The following KHDRBS2 variants were observed in gnomAD, a reference collection of about 807,000 sequenced individuals.
KHDRBS2 encodes KH RNA binding domain containing, signal transduction associated 2.
In KHDRBS2, 26 loss-of-function variants were observed where a neutral mutation model predicts 44.3. The observed-to-expected ratio is 0.59, with a 90% confidence interval of 0.43 to 0.81. The LOEUF (loss-of-function observed/expected upper bound fraction) is 0.81, where lower values mean the gene tolerates loss of function less well. Ranked by LOEUF, KHDRBS2 falls within the 40% of genes least tolerant of loss-of-function variation. KHDRBS2 has a pLI of 0.00. For synonymous variants in KHDRBS2, 194 were observed against 151.1 expected, an observed-to-expected ratio of 1.28 and a Z score of -2.08; for missense variants, 476 against 433.1, an observed-to-expected ratio of 1.10 and a Z score of -0.88.
intron 6 of KHDRBS2, among the ~76,000 whole-genome samples, chr6:61,887,761 A>G (rs1204620623): frequency 2.0e-5 from 3 of 152,212 alleles, no homozygotes; most frequent in Non-Finnish European, 4.4e-5. Flanking sequence ...GATTTTCACC[A>G]TCAACTCAAC....
At chr6:62,285,361 T>C (rs1274716246) in intron 1 of KHDRBS2, among the ~76,000 whole-genome samples, 5 of 152,194 alleles carry the variant, frequency 3.3e-5, no homozygotes, top group Admixed American at 6.5e-5. Flanking sequence ...AGAACATGCA[T>C]AGTTTAATGC....
rs534316578 is a variant in KHDRBS2, at chr6:61,718,898, G to A, written c.893+13784C>T. Among the ~76,000 whole-genome samples the A allele has an allele frequency of 8.5e-5, 13 of 152,076 alleles. No homozygotes were observed. The South Asian group carries it at 2.3e-3, about 27-fold the overall frequency. ...TCCTAATTTAGGAGTCTAATTCCCC[G>A]CCCCCACACTGTTTCAGCCCTGATA... On this transcript the variant is annotated intron_variant, in intron 7 of 8. Coordinates refer to ENST00000281156, the MANE Select transcript of KHDRBS2 (RefSeq NM_152688.4).
intron 4 of KHDRBS2, among the ~76,000 whole-genome samples, chr6:61,934,014 G>T (rs1810574308): frequency 6.6e-6 from 1 of 152,082 alleles, no homozygotes; most frequent in Non-Finnish European, 1.5e-5. Flanking sequence ...TAACTGGGGT[G>T]ATGTGATTTG....
At chr6:61,953,888 C>A (rs1347656843) in intron 4 of KHDRBS2, among the ~76,000 whole-genome samples, 3 of 152,108 alleles carry the variant, frequency 2.0e-5, no homozygotes, top group Admixed American at 6.5e-5. Context: ...TCACAGTTAA[C>A]TTTGCAGCTA....
Position 61,720,662 on chromosome 6 carries a change from T to A in KHDRBS2, c.893+12020A>T, listed in dbSNP as rs542971075. ...CTTGTGAATTTGTTTGAGTTCATTGTAGATTCTGGATATTAGCCCTTTGTT... is the reference window on the plus strand; with the variant it reads ...CTTGTGAATTTGTTTGAGTTCATTGAAGATTCTGGATATTAGCCCTTTGTT... On this transcript the variant is annotated intron_variant, in intron 7 of 8. Coordinates refer to ENST00000281156, the MANE Select transcript of KHDRBS2 (RefSeq NM_152688.4). Among the ~76,000 whole-genome samples, 343 of 152,376 alleles carry A rather than the reference T, an allele frequency of 2.3e-3. 2 individuals are homozygous for A. The highest frequency in any genetic ancestry group is 8.0e-3 in the African/African-American group (333 of 41,594).
intron 6 of KHDRBS2, among the ~76,000 whole-genome samples, chr6:61,889,281 A>G (rs578260532): frequency 6.6e-6 from 1 of 152,306 alleles, no homozygotes; most frequent in South Asian, 2.1e-4. Flanking sequence ...TTGTAAAATT[A>G]CACAGGTAGT....
chr6:62,096,628 AG>A (rs1245390846), intron 2 of KHDRBS2, among the ~76,000 whole-genome samples: 1 of 151,780 alleles, frequency 6.6e-6, no homozygotes, highest in Non-Finnish European at 1.5e-5. Context: ...GGCTTGCTAA[AG>A]GTTAGTCAAT....
At chr6:62,072,873 A>T (rs1275687172) in intron 2 of KHDRBS2, among the ~76,000 whole-genome samples, 1 of 152,130 alleles carries the variant, frequency 6.6e-6, no homozygotes, top group Non-Finnish European at 1.5e-5. Flanking sequence ...GTTAGGGACG[A>T]TTCCCTCTTT....
chr6:61,656,653 C>T, the KHDRBS2 span, among the ~76,000 whole-genome samples: 3 of 152,066 alleles, frequency 2.0e-5, no homozygotes, highest in East Asian at 2.0e-4. Flanking sequence ...TAAGTAGACA[C>T]ACCAGGGTCT....
chr6:61,988,353 G>T (rs1290079458), intron 3 of KHDRBS2, among the ~76,000 whole-genome samples: 1 of 152,192 alleles, frequency 6.6e-6, no homozygotes, highest in South Asian at 2.1e-4. Context: ...CATTTCAGTT[G>T]CCTATTAATT....
At chr6:62,071,799 G>A (rs919617249) in intron 2 of KHDRBS2, among the ~76,000 whole-genome samples, 2 of 152,122 alleles carry the variant, frequency 1.3e-5, no homozygotes, top group African/African-American at 4.8e-5. Flanking sequence ...TGTTCTTTCG[G>A]CTTAGGATTG....
intron 6 of KHDRBS2, among the ~76,000 whole-genome samples, chr6:61,833,622 C>CCATCAAT (rs142893061): frequency 0.013 from 1,968 of 152,166 alleles, 47 homozygotes; most frequent in African/African-American, 0.044. Context: ...ATATAGTTCT[C>CCATCAAT]CATCATTCAT....
chr6:61,958,035 A>G, intron 4 of KHDRBS2, among the ~76,000 whole-genome samples: 1 of 152,110 alleles, frequency 6.6e-6, no homozygotes, highest in East Asian at 1.9e-4. Context: ...TATAATCATC[A>G]TTATTATAAT....
the KHDRBS2 span, among the ~76,000 whole-genome samples, chr6:61,621,363 AAATGAAAACT>A: frequency 6.6e-6 from 1 of 152,236 alleles, no homozygotes; most frequent in Non-Finnish European, 1.5e-5. Context: ...GGAAAATTAG[AAATGAAAACT>A]AATTGTGGGT....
the KHDRBS2 span, among the ~76,000 whole-genome samples, chr6:61,622,873 C>G: frequency 1.3e-5 from 2 of 151,948 alleles, no homozygotes; most frequent in African/African-American, 4.8e-5. Context: ...GGCTGATGGT[C>G]AGATAAGTGT....
intron 2 of KHDRBS2, among the ~76,000 whole-genome samples, chr6:62,098,255 T>TG (rs1220618595): frequency 1.3e-5 from 2 of 151,834 alleles, no homozygotes; most frequent in Non-Finnish European, 2.9e-5. Flanking sequence ...TTTTTTTTTT[T>TG]TTTTTTGTTA....
chr6:62,222,513 T>A, intron 1 of KHDRBS2, among the ~76,000 whole-genome samples: 1 of 152,084 alleles, frequency 6.6e-6, no homozygotes, highest in East Asian at 1.9e-4. Flanking sequence ...AACACTATGA[T>A]GGGAACTGCC....
intron 6 of KHDRBS2, among the ~76,000 whole-genome samples, chr6:61,800,606 T>C (rs60312909): frequency 0.053 from 8,112 of 152,210 alleles, 413 homozygotes; most frequent in African/African-American, 0.12. Flanking sequence ...TTCCTGACTC[T>C]GGACTTTTTT....
chr6:61,552,290 C>T, the KHDRBS2 span, among the ~76,000 whole-genome samples: 1 of 151,906 alleles, frequency 6.6e-6, no homozygotes, highest in Non-Finnish European at 1.5e-5. Context: ...AATGGGATTG[C>T]ATTTTTGATT....
Sources: allele counts gnomAD v4.1 joint callset (sites outside exome capture counted in the v4.1 genomes callset), GRCh38; gene constraint gnomAD v4.1.1; transcripts MANE v1.5; gene names NCBI Gene and HGNC (gene_info 2026-07-23, HGNC 2026-07-21).